The following CCDC60 variants were observed in gnomAD, a reference collection of about 807,000 sequenced individuals.
The protein encoded by CCDC60 is coiled-coil domain-containing protein 60.
Under a neutral mutation model 63.5 loss-of-function variants are expected in CCDC60, and 54 were observed. The ratio of observed to expected loss-of-function variants is 0.85; its 90% CI spans 0.68 to 1.07. The LOEUF is 1.07. Ranked by LOEUF, CCDC60 falls within the 50% of genes least tolerant of loss-of-function variation. The pLI is 0.00. For missense variants in CCDC60, 651 were observed against 684.3 expected (o/e 0.95, Z 0.54); for synonymous variants, 206 against 238.8 (o/e 0.86, Z 1.27).
intron 1 of CCDC60, among the ~76,000 whole-genome samples, chr12:119,349,378 C>T (rs2136151628): frequency 7.4e-6 from 1 of 136,028 alleles, no homozygotes; most frequent in Admixed American, 7.8e-5. Context: ...CAGAGTCTCT[C>T]TCTGTTGCCC....
intron 1 of CCDC60, among the ~76,000 whole-genome samples, chr12:119,419,184 T>C (rs954517953): frequency 1.3e-5 from 2 of 152,230 alleles, no homozygotes; most frequent in African/African-American, 2.4e-5. Context: ...TCCTCCTCCT[T>C]TTCTCTTTCA....
intron 2 of CCDC60, among the ~76,000 whole-genome samples, chr12:119,449,496 A>C (rs1455867198): frequency 6.6e-6 from 1 of 152,252 alleles, no homozygotes; most frequent in African/African-American, 2.4e-5. Context: ...CATCCAAAGA[A>C]AATGCGAATG....
intron 2 of CCDC60, among the ~76,000 whole-genome samples, chr12:119,458,490 A>G (rs1593117870): frequency 1.3e-5 from 2 of 152,092 alleles, no homozygotes; most frequent in South Asian, 4.1e-4. Flanking sequence ...GATTTGTGGT[A>G]GTTAATCCCA....
intron 1 of CCDC60, among the ~76,000 whole-genome samples, chr12:119,344,585 C>G (rs1256926882): frequency 3.3e-5 from 5 of 152,122 alleles, no homozygotes; most frequent in African/African-American, 1.2e-4. Flanking sequence ...TCCATCTGAC[C>G]CATTATCTTT....
At chr12:119,338,778 A>G (rs765641320) in intron 1 of CCDC60, among the ~76,000 whole-genome samples, 5 of 152,212 alleles carry the variant, frequency 3.3e-5, no homozygotes, top group Non-Finnish European at 5.9e-5. Context: ...GAGGAGGAAT[A>G]TGAGGAGTGG....
intron 13 of CCDC60, among the ~76,000 whole-genome samples, chr12:119,537,097 G>T (rs995167167): frequency 6.6e-6 from 1 of 152,078 alleles, no homozygotes; most frequent in Non-Finnish European, 1.5e-5. Context: ...TGTCTTGGAG[G>T]CTTTGTTCAT....
intron 2 of CCDC60, among the ~76,000 whole-genome samples, chr12:119,438,757 A>C (rs988675792): frequency 1.3e-5 from 2 of 152,206 alleles, no homozygotes; most frequent in African/African-American, 4.8e-5. Context: ...ATGCAGACAG[A>C]GAGACTCAAC....
chr12:119,482,013 ATATATGTATATATG>A (rs1218134272), intron 4 of CCDC60, among the ~76,000 whole-genome samples: 6 of 147,136 alleles, frequency 4.1e-5, no homozygotes, highest in Non-Finnish European at 7.4e-5. Flanking sequence ...TATAGTATAT[ATATATGTATATATG>A]TGTGTATATA....
At chr12:119,460,542 A>G (rs149624273) in intron 2 of CCDC60, among the ~76,000 whole-genome samples, 392 of 152,330 alleles carry the variant, frequency 2.6e-3, no homozygotes, top group African/African-American at 8.7e-3. Context: ...CCCAAACTCA[A>G]TGATTTTCAA....
intron 2 of CCDC60, among the ~76,000 whole-genome samples, chr12:119,431,110 T>C (rs1299150959): frequency 1.3e-5 from 2 of 152,224 alleles, no homozygotes; most frequent in African/African-American, 4.8e-5. Context: ...AATTTGTAAC[T>C]GCCCAGTGGG....
At chr12:119,387,215 T>A (rs1308746425) in intron 1 of CCDC60, among the ~76,000 whole-genome samples, 1 of 152,144 alleles carries the variant, frequency 6.6e-6, no homozygotes, top group Non-Finnish European at 1.5e-5. Flanking sequence ...CCCGAGTAAT[T>A]GTGCCACACA....
At chr12:119,378,243 T>G (rs1489765429) in intron 1 of CCDC60, among the ~76,000 whole-genome samples, 1 of 152,210 alleles carries the variant, frequency 6.6e-6, no homozygotes, top group East Asian at 1.9e-4. Context: ...AAAGGGAAGA[T>G]GGAGCCACCA....
intron 1 of CCDC60, among the ~76,000 whole-genome samples, chr12:119,409,634 G>A (rs1165333464): frequency 6.6e-6 from 1 of 152,068 alleles, no homozygotes; most frequent in Non-Finnish European, 1.5e-5. Flanking sequence ...TAGAAGACTG[G>A]GATTTCACTC....
chr12:119,479,043 C>A, intron 3 of CCDC60, 51 bp from the exon 4 acceptor site: 1 of 1,324,004 alleles, frequency 7.6e-7, no homozygotes, highest in South Asian at 1.2e-5. Flanking sequence ...AGAAGGTGTT[C>A]AAAGCTACTG....
At position 119,410,317 on chromosome 12, in the gene CCDC60, T is replaced by C. The variant is rs150110129; in HGVS notation, c.91-18366T>C. Among the ~76,000 whole-genome samples, 1 of 152,158 alleles carries C rather than the reference T, an allele frequency of 6.6e-6. No individual in the cohort carries two copies. Among genetic ancestry groups the C allele is most frequent in the Non-Finnish European group, 1.5e-5 (1 of 68,002 alleles). On this transcript the variant is annotated intron_variant, in intron 1 of 13. Transcript: ENST00000327554. This position sits in a 1 kb window ranked among gnomAD's most constrained non-coding sequence, Gnocchi z 4.0. ...TGGTTTGAGGACAAGGTGGAAGTAA[T>C]ACATTTTAAAAAGTGATGTACCTTT...
intron 7 of CCDC60, among the ~76,000 whole-genome samples, 155 bp from the exon 8 acceptor site, chr12:119,516,468 T>C (rs965029801): frequency 2.6e-5 from 4 of 152,190 alleles, no homozygotes; most frequent in African/African-American, 9.7e-5. Flanking sequence ...CCCAACACTA[T>C]CAGCCACCTC....
intron 1 of CCDC60, among the ~76,000 whole-genome samples, chr12:119,396,193 C>T (rs34303395): frequency 0.14 from 21,331 of 152,162 alleles, 2,188 homozygotes; most frequent in East Asian, 0.57. Flanking sequence ...CCGCCTCAGC[C>T]TCCTAAAATG....
intron 1 of CCDC60, among the ~76,000 whole-genome samples, chr12:119,339,130 T>C (rs180852607): frequency 6.6e-6 from 1 of 152,180 alleles, no homozygotes; most frequent in Non-Finnish European, 1.5e-5. Flanking sequence ...GAGTCCCTTT[T>C]CCCTTTGTTT....
At chr12:119,376,021 C>T (rs988100418) in intron 1 of CCDC60, among the ~76,000 whole-genome samples, 1 of 152,188 alleles carries the variant, frequency 6.6e-6, no homozygotes, top group Admixed American at 6.5e-5. Flanking sequence ...ACAGAAAGGT[C>T]ACATTATACC....
Sources: allele counts gnomAD v4.1 joint callset (sites outside exome capture counted in the v4.1 genomes callset), GRCh38; gene constraint gnomAD v4.1.1; non-coding constraint Gnocchi (gnomAD v3.1); transcripts MANE v1.5; gene names NCBI Gene and HGNC (gene_info 2026-07-23, HGNC 2026-07-21).